The following CCDC171 variants were observed in gnomAD, a reference collection of about 807,000 sequenced individuals.
CCDC171 encodes coiled-coil domain containing 171.
A neutral mutation model predicts 168.2 loss-of-function variants in CCDC171; 177 were observed. That is an observed-to-expected ratio of 1.05 (90% confidence interval 0.93 to 1.19). The LOEUF is 1.19. Ranked by LOEUF, CCDC171 falls within the 50% of genes most tolerant of loss-of-function variation. The pLI is 0.00. For synonymous variants in CCDC171, 687 were observed against 540.8 expected, an observed-to-expected ratio of 1.27 and a Z score of -3.75; for missense variants, 1,991 against 1,539.0, an observed-to-expected ratio of 1.29 and a Z score of -4.91.
At chr9:15,802,918 G>T (rs1336521330) in intron 21 of CCDC171, among the ~76,000 whole-genome samples, 1 of 152,082 alleles carries the variant, frequency 6.6e-6, no homozygotes, top group Non-Finnish European at 1.5e-5. Context: ...GCCAGCATCT[G>T]TTGTTTTTTG....
In CCDC171 at chr9:15,906,775, C is replaced by T. The variant is rs571442852; in HGVS notation, c.3601-13495C>T. 8.2e-4 allele frequency among the ~76,000 whole-genome samples: 125 copies of T among 152,160 alleles called. 1 individual carries two copies. Among genetic ancestry groups the T allele is most frequent in the African/African-American group, 2.6e-3 (107 of 41,496 alleles). On this transcript the variant is annotated intron_variant, in intron 24 of 25. Coordinates refer to ENST00000380701, the MANE Select transcript of CCDC171 (RefSeq NM_173550.4). ...ACATGATTGTATATCTAGAAAACCC[C>T]ATCGTCTCAGCCCAAAATCTCCTTA...
At chr9:16,012,938 T>C (rs2987082) in intron 3 of CCDC171, among the ~76,000 whole-genome samples, 136,024 of 152,144 alleles carry the variant, frequency 0.89, 60,985 homozygotes, top group Admixed American at 0.92. Context: ...CCCTGGGATA[T>C]CAACCATCAC....
intron 3 of CCDC171, among the ~76,000 whole-genome samples, chr9:15,983,150 C>T (rs1831858919): frequency 6.6e-6 from 1 of 152,098 alleles, no homozygotes; most frequent in Non-Finnish European, 1.5e-5. Flanking sequence ...ATAGGTTCTT[C>T]TCCAGATCTT....
intron 23 of CCDC171, among the ~76,000 whole-genome samples, chr9:15,852,350 A>C (rs966469358): frequency 2.6e-5 from 4 of 151,674 alleles, no homozygotes; most frequent in Non-Finnish European, 4.4e-5. Flanking sequence ...ACATGTTTTC[A>C]TGTGATTATT....
intron 25 of CCDC171, among the ~76,000 whole-genome samples, chr9:15,932,434 G>T (rs1826637487): frequency 6.6e-6 from 1 of 151,698 alleles, no homozygotes; most frequent in Non-Finnish European, 1.5e-5. Context: ...ATATTAAAAT[G>T]CTGCTGATTT....
intron 3 of CCDC171, among the ~76,000 whole-genome samples, chr9:15,991,664 A>T (rs554866231): frequency 6.6e-6 from 1 of 152,330 alleles, no homozygotes; most frequent in Non-Finnish European, 1.5e-5. Context: ...AAAGATCAAC[A>T]AAATTGATAG....
At chr9:15,899,433 A>G (rs1421201436) in intron 24 of CCDC171, among the ~76,000 whole-genome samples, 1 of 152,012 alleles carries the variant, frequency 6.6e-6, no homozygotes, top group African/African-American at 2.4e-5. Context: ...AATGACTGCC[A>G]TTTTTTTCAT....
chr9:15,791,885 AGAAAAGCT>A (rs1378850625), intron 21 of CCDC171, among the ~76,000 whole-genome samples: 2 of 152,220 alleles, frequency 1.3e-5, no homozygotes, highest in Non-Finnish European at 2.9e-5. Flanking sequence ...AAAACAGAGC[AGAAAAGCT>A]GAAAATTCTA....
At chr9:15,829,247 C>G (rs958054169) in intron 21 of CCDC171, among the ~76,000 whole-genome samples, 5 of 152,084 alleles carry the variant, frequency 3.3e-5, no homozygotes, top group Non-Finnish European at 4.4e-5. Flanking sequence ...TTTATTACAT[C>G]TGATGTGTGG....
intron 6 of CCDC171, among the ~76,000 whole-genome samples, chr9:16,027,373 C>T (rs943316164): frequency 6.6e-6 from 1 of 151,996 alleles, no homozygotes; most frequent in South Asian, 2.1e-4. Flanking sequence ...AAGGAACACC[C>T]AAGCTTATGA....
rs544411166 is a variant in CCDC171, at chr9:15,884,611, AGC to A, written c.3600+9949_3600+9950del. On this transcript the variant is annotated intron_variant, in intron 24 of 25. Transcript: ENST00000380701. ...GAGTCAGCAAGGTAGTATTAGAAAA[AGC>A]TTGTGTGGAGAGTCAGAATGCCTGG... Among the ~76,000 whole-genome samples, 562 of 152,252 alleles carry A rather than the reference AGC, an allele frequency of 3.7e-3. 4 individuals are homozygous for A. The highest frequency in any genetic ancestry group is 0.013 in the African/African-American group (531 of 41,534).
At chr9:15,578,275 T>G (rs2040833464) in intron 3 of CCDC171, among the ~76,000 whole-genome samples, 1 of 150,944 alleles carries the variant, frequency 6.6e-6, no homozygotes, top group Non-Finnish European at 1.5e-5. Flanking sequence ...TGCTCTGTCC[T>G]TCAGGATGGA....
chr9:15,705,964 T>C (rs1330897186), intron 11 of CCDC171, among the ~76,000 whole-genome samples: 1 of 152,202 alleles, frequency 6.6e-6, no homozygotes, highest in Non-Finnish European at 1.5e-5. Flanking sequence ...TTACAGCAGC[T>C]CTTTGGGTAG....
At chr9:15,616,898 A>C (rs1408622841) in intron 6 of CCDC171, among the ~76,000 whole-genome samples, 3 of 152,182 alleles carry the variant, frequency 2.0e-5, no homozygotes, top group Admixed American at 2.0e-4. Context: ...GTAATTTATA[A>C]AGGAAAGAGA....
chr9:15,576,979 T>G (rs2040721831), intron 3 of CCDC171, among the ~76,000 whole-genome samples: 1 of 152,232 alleles, frequency 6.6e-6, no homozygotes, highest in African/African-American at 2.4e-5. Flanking sequence ...AAGGAGAGGC[T>G]GCTTTTTTTT....
At chr9:16,101,973 G>A in the CCDC171 span, among the ~76,000 whole-genome samples, 1 of 152,214 alleles carries the variant, frequency 6.6e-6, no homozygotes, top group Non-Finnish European at 1.5e-5. Flanking sequence ...GGGAAACTTT[G>A]AGGTATAAAA....
At chr9:15,582,196 A>G (rs1436389797) in intron 4 of CCDC171, among the ~76,000 whole-genome samples, 1 of 152,260 alleles carries the variant, frequency 6.6e-6, no homozygotes, top group Non-Finnish European at 1.5e-5. Flanking sequence ...ATCACTGGTC[A>G]TTAGAGAAAT....
chr9:15,887,368 C>T (rs1053656858), intron 24 of CCDC171, among the ~76,000 whole-genome samples: 7 of 152,014 alleles, frequency 4.6e-5, no homozygotes, highest in African/African-American at 7.2e-5. Context: ...CTTCTAGTAA[C>T]AGTAGTAGGT....
chr9:16,020,292 C>A (rs1367992195), intron 3 of CCDC171, among the ~76,000 whole-genome samples: 1 of 152,028 alleles, frequency 6.6e-6, no homozygotes, highest in Non-Finnish European at 1.5e-5. Flanking sequence ...GGGTCCTATC[C>A]CCAAGATATC....
Sources: gnomAD v4.1 joint callset for allele counts (sites outside exome capture counted in the v4.1 genomes callset) on GRCh38, gnomAD v4.1.1 for gene constraint, MANE v1.5 for transcripts, NCBI Gene and HGNC (gene_info 2026-07-23, HGNC 2026-07-21) for gene names.